The following GRM7 variants were observed in gnomAD, a reference collection of about 807,000 sequenced individuals.
GRM7 encodes glutamate metabotropic receptor 7, also known as metabotropic glutamate receptor 7.
In GRM7, 35 loss-of-function variants were observed where a neutral mutation model predicts 84.5. The ratio of observed to expected loss-of-function variants is 0.41; its 90% CI spans 0.32 to 0.55. GRM7 has a LOEUF of 0.55. GRM7 is among the 20% of genes least tolerant of loss of function. The probability of loss-of-function intolerance (pLI) is 0.19; values close to 1 mark genes in which losing one functional copy is unlikely to be tolerated. For synonymous variants in GRM7, 487 were observed against 455.1 expected, an observed-to-expected ratio of 1.07 and a Z score of -0.89; for missense variants, 1,003 against 1,194.6, an observed-to-expected ratio of 0.84 and a Z score of 2.36.
intron 1 of GRM7, among the ~76,000 whole-genome samples, chr3:7,039,284 T>C (rs1257026456): frequency 1.3e-5 from 2 of 152,180 alleles, no homozygotes; most frequent in Non-Finnish European, 2.9e-5. Flanking sequence ...TTCCTGTCAC[T>C]ATCCTAACCA....
intron 7 of GRM7, among the ~76,000 whole-genome samples, chr3:7,528,209 T>G (rs1332187981): frequency 6.6e-6 from 1 of 152,118 alleles, no homozygotes; most frequent in Non-Finnish European, 1.5e-5. Flanking sequence ...GAACTCATTA[T>G]TGGTCTGTTG....
intron 7 of GRM7, among the ~76,000 whole-genome samples, chr3:7,547,140 T>C (rs1476463630): frequency 6.7e-6 from 1 of 149,876 alleles, no homozygotes; most frequent in Non-Finnish European, 1.5e-5. Context: ...GCCAGATCCA[T>C]GAGAAAGCCC....
At chr3:7,367,296 C>T (rs951937015) in intron 4 of GRM7, among the ~76,000 whole-genome samples, 42 of 151,702 alleles carry the variant, frequency 2.8e-4, no homozygotes, top group African/African-American at 1.0e-3. Context: ...GCTATATTTC[C>T]AGTGATTTTT....
At chr3:7,550,573 C>CTGTG (rs1212112309) in intron 7 of GRM7, among the ~76,000 whole-genome samples, 50 of 60,672 alleles carry the variant, frequency 8.2e-4, no homozygotes, top group African/African-American at 1.5e-3. Context: ...CTCTCTCTCT[C>CTGTG]TCTCTGTGTG....
chr3:7,075,936 A>AT (rs111508007), intron 1 of GRM7, among the ~76,000 whole-genome samples: 30 of 149,428 alleles, frequency 2.0e-4, no homozygotes, highest in Non-Finnish European at 2.4e-4. Context: ...CTGACTTTTA[A>AT]TTTTTTTTTT....
intron 1 of GRM7, among the ~76,000 whole-genome samples, chr3:7,004,230 G>A (rs556325936): frequency 6.6e-6 from 1 of 152,240 alleles, no homozygotes; most frequent in African/African-American, 2.4e-5. Context: ...AACAGGAGGT[G>A]AGAATAATTT....
intron 5 of GRM7, 82 bp from the exon 6 acceptor site, chr3:7,452,525 C>T: frequency 1.1e-6 from 1 of 945,812 alleles, no homozygotes; most frequent in South Asian, 1.4e-5. Flanking sequence ...TGAAAGTTTA[C>T]TTTTAAATTT....
intron 7 of GRM7, among the ~76,000 whole-genome samples, chr3:7,526,681 T>C (rs183890983): frequency 1.3e-5 from 2 of 152,046 alleles, no homozygotes; most frequent in East Asian, 3.9e-4. Flanking sequence ...AGTTTTTAAC[T>C]CATCTTGAGT....
At chr3:6,895,559 A>G (rs182671892) in intron 1 of GRM7, among the ~76,000 whole-genome samples, 75 of 152,302 alleles carry the variant, frequency 4.9e-4, no homozygotes, top group African/African-American at 1.4e-3. Context: ...CATTTGGCCA[A>G]GATCACACAG....
At position 7,123,632 on chromosome 3, in the gene GRM7, A is replaced by G. The variant is rs926919195; in HGVS notation, c.520-22820A>G. On this transcript the variant is annotated intron_variant, in intron 1 of 9. Transcript: ENST00000357716. ...GCTCTGTCTCAGAAAAAAGAAAAAA[A>G]AAAAGTGGGATGCATTGTTCAGGAA... Among the ~76,000 whole-genome samples, 15 of 152,052 alleles carry G rather than the reference A, an allele frequency of 9.9e-5. No individual in the cohort carries two copies. In the East Asian group the frequency reaches 1.7e-3, roughly 18 times the overall value.
intron 7 of GRM7, among the ~76,000 whole-genome samples, chr3:7,473,448 C>T (rs773134122): frequency 2.3e-4 from 35 of 149,696 alleles, no homozygotes; most frequent in Non-Finnish European, 3.5e-4. Flanking sequence ...TGCACTCCAA[C>T]CTACGCAACA....
At chr3:7,169,130 T>C (rs145592275) in intron 2 of GRM7, among the ~76,000 whole-genome samples, 5 of 152,320 alleles carry the variant, frequency 3.3e-5, no homozygotes, top group African/African-American at 1.2e-4. Context: ...TTGCCTGGAA[T>C]TGCTTTCATT....
chr3:7,021,065 C>A (rs1157232177), intron 1 of GRM7, among the ~76,000 whole-genome samples: 1 of 152,142 alleles, frequency 6.6e-6, no homozygotes, highest in South Asian at 2.1e-4. Context: ...GTTTTCTATA[C>A]ACATTATTTT....
chr3:7,386,477 C>T (rs537445409), intron 4 of GRM7, among the ~76,000 whole-genome samples: 1 of 152,240 alleles, frequency 6.6e-6, no homozygotes, highest in African/African-American at 2.4e-5. Flanking sequence ...TCTTTCTGTT[C>T]ATGTTTACCC....
chr3:7,726,264 T>G (rs1445146971), intron 9 of GRM7, among the ~76,000 whole-genome samples: 1 of 151,934 alleles, frequency 6.6e-6, no homozygotes, highest in Non-Finnish European at 1.5e-5. Context: ...AACAAGAAAT[T>G]CCCTTCATCC....
intron 4 of GRM7, among the ~76,000 whole-genome samples, chr3:7,315,261 CT>C (rs1700543238): frequency 6.6e-6 from 1 of 152,184 alleles, no homozygotes; most frequent in Admixed American, 6.5e-5. Context: ...CCAGTGAAAG[CT>C]TAAGGTCTTC....
intron 8 of GRM7, among the ~76,000 whole-genome samples, chr3:7,625,699 A>G (rs542087406): frequency 2.0e-5 from 3 of 152,240 alleles, no homozygotes; most frequent in South Asian, 4.1e-4. Flanking sequence ...AGAATCAGGG[A>G]CAGAAGAATA....
chr3:7,440,366 G>A (rs1559323560), intron 5 of GRM7, among the ~76,000 whole-genome samples: 2 of 152,136 alleles, frequency 1.3e-5, no homozygotes, highest in Admixed American at 6.5e-5. Flanking sequence ...ACAGCATCTA[G>A]TCACACAGAG....
intron 6 of GRM7, among the ~76,000 whole-genome samples, chr3:7,457,949 A>G (rs1255755794): frequency 2.0e-5 from 3 of 152,168 alleles, no homozygotes; most frequent in Non-Finnish European, 2.9e-5. Flanking sequence ...CAAATTACAA[A>G]ATATATGTTG....
Sources: allele counts gnomAD v4.1 joint callset (sites outside exome capture counted in the v4.1 genomes callset), GRCh38; gene constraint gnomAD v4.1.1; transcripts MANE v1.5; gene names NCBI Gene and HGNC (gene_info 2026-07-23, HGNC 2026-07-21).